FSTL5: variants seen among roughly 807,000 people sequenced by gnomAD.
The protein encoded by FSTL5 is follistatin-related protein 5.
In FSTL5, 62 loss-of-function variants were observed where a neutral mutation model predicts 89.1. The ratio of observed to expected loss-of-function variants is 0.70; its 90% CI spans 0.57 to 0.86. The LOEUF is 0.86. Ranked by LOEUF, FSTL5 falls within the 40% of genes least tolerant of loss-of-function variation. The probability of loss-of-function intolerance (pLI) is 0.00; values close to 1 mark genes in which losing one functional copy is unlikely to be tolerated. For synonymous variants in FSTL5, 383 were observed against 346.2 expected (o/e 1.11, Z -1.18); for missense variants, 1,057 against 1,001.6 (o/e 1.06, Z -0.75).
intron 3 of FSTL5, among the ~76,000 whole-genome samples, chr4:161,966,493 A>T (rs1262129695): frequency 6.6e-6 from 1 of 152,118 alleles, no homozygotes; most frequent in African/African-American, 2.4e-5. Flanking sequence ...TTGTATTTGG[A>T]GATAGGGTCT....
intron 10 of FSTL5, among the ~76,000 whole-genome samples, chr4:161,523,159 G>A (rs915713100): frequency 6.6e-6 from 1 of 152,142 alleles, no homozygotes; most frequent in African/African-American, 2.4e-5. Context: ...AAGCAAGCAT[G>A]TGTTAAAAAT....
intron 7 of FSTL5, among the ~76,000 whole-genome samples, chr4:161,638,386 G>A (rs1232098084): frequency 2.0e-5 from 3 of 152,064 alleles, no homozygotes; most frequent in Non-Finnish European, 4.4e-5. Context: ...GGGTTTTCTA[G>A]ATATACAACC....
In FSTL5 at chr4:161,711,099, T is replaced by C. The variant is rs148797025; in HGVS notation, c.727+48312A>G. Among the ~76,000 whole-genome samples the C allele has an allele frequency of 6.0e-3, 906 of 152,096 alleles. 13 individuals are homozygous for C. Among genetic ancestry groups the C allele is most frequent in the South Asian group, 0.047 (228 of 4,828 alleles). On this transcript the variant is annotated intron_variant, in intron 6 of 15. Coordinates refer to ENST00000306100, the MANE Select transcript of FSTL5 (RefSeq NM_020116.5). The stretch of plus-strand genomic sequence containing the variant: ...TATGAAATACATATTATCTATGTAA[T>C]ATTTTTAATTAATAACCTAATCTTC...
At chr4:161,931,389 T>C (rs950255536) in intron 3 of FSTL5, among the ~76,000 whole-genome samples, 3 of 151,642 alleles carry the variant, frequency 2.0e-5, no homozygotes, top group African/African-American at 7.3e-5. Flanking sequence ...AGCAATATAG[T>C]ATAAGTTGGA....
chr4:161,563,918 AAAC>A (rs1234829404), intron 8 of FSTL5, among the ~76,000 whole-genome samples: 1 of 151,994 alleles, frequency 6.6e-6, no homozygotes, highest in Non-Finnish European at 1.5e-5. Flanking sequence ...TGAAAAGAAA[AAAC>A]AACACAAAAA....
At chr4:161,750,399 A>G (rs891710263) in intron 6 of FSTL5, among the ~76,000 whole-genome samples, 5 of 152,180 alleles carry the variant, frequency 3.3e-5, no homozygotes, top group Non-Finnish European at 7.4e-5. Context: ...AAGAAAAAAG[A>G]ATGAATAATA....
At position 161,906,803 on chromosome 4, in the gene FSTL5, G is replaced by A. The variant is rs536412408; in HGVS notation, c.409+13601C>T. Among the ~76,000 whole-genome samples, 21 of 152,028 alleles carry A rather than the reference G, an allele frequency of 1.4e-4. No homozygotes were observed. The East Asian group carries it at 3.5e-3, about 25-fold the overall frequency. Reference sequence around the variant, plus strand: ...CATTTATTTATTTTTTGTTCCTGTTGCTGAAATAATTAGAATTACATGGAA... The same window carrying A: ...CATTTATTTATTTTTTGTTCCTGTTACTGAAATAATTAGAATTACATGGAA... On this transcript the variant is annotated intron_variant, in intron 4 of 15. Coordinates refer to ENST00000306100, the MANE Select transcript of FSTL5 (RefSeq NM_020116.5).
chr4:161,978,202 TAAGTA>T (rs1735718260), intron 3 of FSTL5, among the ~76,000 whole-genome samples: 1 of 152,220 alleles, frequency 6.6e-6, no homozygotes, highest in African/African-American at 2.4e-5. Context: ...ATGTCCCATT[TAAGTA>T]AAGTACAATA....
chr4:161,879,901 G>T (rs1341705504), intron 4 of FSTL5, among the ~76,000 whole-genome samples: 4 of 152,106 alleles, frequency 2.6e-5, no homozygotes, highest in Non-Finnish European at 5.9e-5. Flanking sequence ...TCAGTAGATT[G>T]ATAGCTCCAT....
intron 8 of FSTL5, among the ~76,000 whole-genome samples, chr4:161,558,459 T>G (rs1313793896): frequency 6.6e-6 from 1 of 151,916 alleles, no homozygotes; most frequent in African/African-American, 2.4e-5. Context: ...TTGGTCTACT[T>G]TAAAGAAACA....
chr4:161,416,211 C>T (rs1644275975), intron 15 of FSTL5, among the ~76,000 whole-genome samples: 1 of 152,136 alleles, frequency 6.6e-6, no homozygotes, highest in Non-Finnish European at 1.5e-5. Flanking sequence ...TTCTTTTTCT[C>T]TGATGAGTAT....
At chr4:161,847,480 C>T in intron 4 of FSTL5, among the ~76,000 whole-genome samples, 1 of 152,092 alleles carries the variant, frequency 6.6e-6, no homozygotes, top group Non-Finnish European at 1.5e-5. Context: ...GATTTGATGC[C>T]AGTTAACAAG....
chr4:161,857,579 A>G (rs949884088), intron 4 of FSTL5, among the ~76,000 whole-genome samples: 11 of 152,136 alleles, frequency 7.2e-5, no homozygotes, highest in Admixed American at 3.9e-4. Context: ...CATCAAATAT[A>G]TCTCTGCAAG....
In FSTL5 at chr4:161,613,176, G is replaced by A. The variant is rs114666798; in HGVS notation, c.895-25601C>T. Among the ~76,000 whole-genome samples the A allele has an allele frequency of 7.7e-3, 1,176 of 152,278 alleles. 9 individuals are homozygous for A. The highest frequency in any genetic ancestry group is 0.013 in the Non-Finnish European group (910 of 68,024). On this transcript the variant is annotated intron_variant, in intron 7 of 15. Transcript: ENST00000306100. ...CCAACATTTAACAATATAGCAGCCA[G>A]GCGCGGTGGTTCACGCCTGTTATCC...
intron 3 of FSTL5, among the ~76,000 whole-genome samples, chr4:161,961,111 ATCTT>A (rs937774744): frequency 5.3e-5 from 8 of 151,950 alleles, no homozygotes; most frequent in African/African-American, 1.4e-4. Context: ...CTTCGATTAT[ATCTT>A]TCTTTCTTTC....
rs146631007 is a variant in FSTL5 at position 161,973,114 on chromosome 4, T to G, written c.161-52462A>C. 3.6e-4 allele frequency among the ~76,000 whole-genome samples: 55 copies of G among 152,326 alleles called. 1 individual carries two copies. The highest frequency in any genetic ancestry group is 1.3e-3 in the African/African-American group (53 of 41,584). ...AGGGAGTGTTTTTCTTCAGATTCCC[T>G]TATTACTTATGAAATCACTATTTGA... is the stretch of plus-strand genomic sequence containing the variant. On this transcript the variant is annotated intron_variant, in intron 3 of 15. Coordinates refer to ENST00000306100, the MANE Select transcript of FSTL5 (RefSeq NM_020116.5).
At chr4:161,632,304 C>T (rs1020304519) in intron 7 of FSTL5, among the ~76,000 whole-genome samples, 2 of 152,038 alleles carry the variant, frequency 1.3e-5, no homozygotes, top group African/African-American at 4.8e-5. Flanking sequence ...CTCTTGAACC[C>T]GGGTGGCAGA....
chr4:161,825,180 G>T (rs1730628349), intron 4 of FSTL5, among the ~76,000 whole-genome samples: 2 of 152,090 alleles, frequency 1.3e-5, no homozygotes, highest in South Asian at 4.1e-4. Flanking sequence ...TTCTGTTTAT[G>T]TGGCGTATCA....
chr4:161,547,053 C>T (rs182134227), intron 8 of FSTL5, among the ~76,000 whole-genome samples: 2 of 152,106 alleles, frequency 1.3e-5, no homozygotes, highest in Non-Finnish European at 2.9e-5. Context: ...ATTCAGCTGC[C>T]GTGTCATAAG....
Sources: allele counts gnomAD v4.1 joint callset (sites outside exome capture counted in the v4.1 genomes callset), GRCh38; gene constraint gnomAD v4.1.1; transcripts MANE v1.5; gene names NCBI Gene and HGNC (gene_info 2026-07-23, HGNC 2026-07-21).